The following LRGUK variants were observed in gnomAD, a reference collection of about 807,000 sequenced individuals.
The protein encoded by LRGUK is leucine-rich repeat and guanylate kinase domain-containing protein.
Under a neutral mutation model 76.0 loss-of-function variants are expected in LRGUK, and 65 were observed. The ratio of observed to expected loss-of-function variants is 0.85; its 90% CI spans 0.70 to 1.05. The LOEUF (loss-of-function observed/expected upper bound fraction) is 1.05, where lower values mean the gene tolerates loss of function less well. Ranked by LOEUF, LRGUK falls within the 50% of genes least tolerant of loss-of-function variation. The pLI is 0.00. For synonymous variants in LRGUK, 268 were observed against 265.6 expected (o/e 1.01, Z -0.09); for missense variants, 758 against 732.8 (o/e 1.03, Z -0.40).
chr7:134,145,371 C>T (rs931038372), intron 4 of LRGUK, among the ~76,000 whole-genome samples: 5 of 152,074 alleles, frequency 3.3e-5, no homozygotes, highest in Non-Finnish European at 7.4e-5. Context: ...CCTCAGCCTC[C>T]CGAGTAGCTG....
chr7:134,201,326 A>C (rs899240115), intron 14 of LRGUK, among the ~76,000 whole-genome samples, 155 bp from the exon 15 acceptor site: 2 of 152,182 alleles, frequency 1.3e-5, no homozygotes, highest in Admixed American at 6.5e-5. Flanking sequence ...GATTGATTAT[A>C]CAAAGGTGAT....
At chr7:134,238,281 A>T (rs749492319) in intron 16 of LRGUK, among the ~76,000 whole-genome samples, 57 of 151,672 alleles carry the variant, frequency 3.8e-4, no homozygotes, top group Non-Finnish European at 7.1e-4. Context: ...TGTGTGATAC[A>T]CTTGTACTTT....
downstream of LRGUK, among the ~76,000 whole-genome samples, chr7:134,267,002 G>C (rs1456307178): frequency 6.6e-6 from 1 of 152,148 alleles, no homozygotes; most frequent in Non-Finnish European, 1.5e-5. Context: ...GGAAAGAACT[G>C]TCAACTTACA....
intron 16 of LRGUK, among the ~76,000 whole-genome samples, chr7:134,246,501 A>G (rs939319971): frequency 6.6e-6 from 1 of 152,264 alleles, no homozygotes; most frequent in Admixed American, 6.5e-5. Flanking sequence ...ACTTGAAACT[A>G]TGCTAGCCCC....
intron 19 of LRGUK, among the ~76,000 whole-genome samples, chr7:134,262,627 C>T (rs1802758991): frequency 1.3e-5 from 2 of 152,086 alleles, no homozygotes; most frequent in South Asian, 2.1e-4. Context: ...GTTTGCTTTG[C>T]TCTTTCCTGT....
exon 8 of LRGUK, chr7:134,174,596 C>G (rs1182455351): frequency 6.2e-7 from 1 of 1,608,540 alleles, no homozygotes; most frequent in Non-Finnish European, 8.5e-7. Flanking sequence ...AAAAATTTAC[C>G]CATCCTTCGA....
intron 16 of LRGUK, among the ~76,000 whole-genome samples, chr7:134,240,397 A>G (rs2544169): frequency 0.072 from 11,004 of 152,292 alleles, 976 homozygotes; most frequent in African/African-American, 0.2. Context: ...CAAGAACTAC[A>G]TTATGCATGC....
chr7:134,235,430 C>A (rs755595315), intron 16 of LRGUK, among the ~76,000 whole-genome samples: 4 of 152,204 alleles, frequency 2.6e-5, no homozygotes, highest in Non-Finnish European at 5.9e-5. Context: ...TATTAACTCA[C>A]ATTTTACCAC....
intron 1 of LRGUK, among the ~76,000 whole-genome samples, chr7:134,134,811 G>A (rs1480157621): frequency 3.9e-5 from 6 of 152,236 alleles, no homozygotes. Context: ...GCATAGGTGA[G>A]TGAAACATTA....
chr7:134,143,127 A>G lies in LRGUK; in HGVS notation c.553A>G (p.Thr185Ala), dbSNP rs368108040. ...TAATGCTTCTCAAAATAATTTGACT[A>G]CGTTCTTCAATTTCAAGCCACCCAA... The change falls in exon 4 of 16, where the codon ACG becomes GCG. Residue 185 changes from threonine (T) to alanine (A), a missense_variant. Transcript: ENST00000645682. 9 of 1,609,904 alleles carry G rather than the reference A, an allele frequency of 5.6e-6. No homozygotes were observed. Among genetic ancestry groups the G allele is most frequent in the South Asian group, 1.1e-5 (1 of 90,962 alleles).
chr7:134,177,181 T>C lies in LRGUK; in HGVS notation c.1107+118T>C, dbSNP rs1480751911. The C allele has an allele frequency of 8.3e-6, 5 of 603,248 alleles. No homozygotes were observed. The Admixed American group carries it at 1.5e-4, about 18-fold the overall frequency. The allele number at this position is 603,248 out of a possible 1,614,324, so 37.4% of individuals were successfully genotyped here. ...AATAAGACACATAACAATATGTACATTAATTCATTTAGGGAATGTTTCCTT... is the reference window on the plus strand; with the variant it reads ...AATAAGACACATAACAATATGTACACTAATTCATTTAGGGAATGTTTCCTT... On this transcript the variant is annotated intron_variant, in intron 9 of 15. Coordinates refer to ENST00000645682, the Ensembl canonical transcript of LRGUK.
the LRGUK span, among the ~76,000 whole-genome samples, chr7:134,273,694 T>C: frequency 6.6e-6 from 1 of 152,188 alleles, no homozygotes; most frequent in African/African-American, 2.4e-5. Flanking sequence ...ATTATACTTT[T>C]TTAGAATTAC....
chr7:134,162,792 A>G (rs1312791538), intron 6 of LRGUK, among the ~76,000 whole-genome samples: 2 of 132,534 alleles, frequency 1.5e-5, no homozygotes, highest in Non-Finnish European at 3.0e-5. Context: ...GTGCCACTGC[A>G]CTCCAGCCTG....
At position 134,128,792 on chromosome 7, in the gene LRGUK, C is replaced by T. The variant is rs554286465; in HGVS notation, c.297+1128C>T. ...TCTTCGATCTCCTGACCTCGCCATC[C>T]GCCCACCTCTGCCTCCCAGAGTGCT... On this transcript the variant is annotated intron_variant, in intron 1 of 15. Transcript: ENST00000645682. Among the ~76,000 whole-genome samples, 11 of 152,306 alleles carry T rather than the reference C, an allele frequency of 7.2e-5. 1 individual carries two copies. The South Asian group carries it at 1.0e-3, about 14-fold the overall frequency.
At chr7:134,162,904 A>C (rs1798810975) in intron 6 of LRGUK, among the ~76,000 whole-genome samples, 1 of 150,358 alleles carries the variant, frequency 6.7e-6, no homozygotes, top group Non-Finnish European at 1.5e-5. Context: ...GGCTCATTGG[A>C]GAATGCTAAT....
At chr7:134,212,957 C>A (rs762880047), downstream of LRGUK, among the ~76,000 whole-genome samples, 1 of 152,174 alleles carries the variant, frequency 6.6e-6, no homozygotes, top group Non-Finnish European at 1.5e-5. Flanking sequence ...ACACTGAATT[C>A]GGCCTGGGAT....
intron 4 of LRGUK, among the ~76,000 whole-genome samples, chr7:134,144,138 C>T (rs1187311909): frequency 2.6e-5 from 4 of 152,116 alleles, no homozygotes; most frequent in African/African-American, 9.7e-5. Context: ...TGTCTCACCA[C>T]AACTTCAGCC....
At chr7:134,227,253 A>G (rs1801788448) in intron 16 of LRGUK, among the ~76,000 whole-genome samples, 1 of 152,148 alleles carries the variant, frequency 6.6e-6, no homozygotes, top group African/African-American at 2.4e-5. Context: ...ACATCGAAGT[A>G]TGAGGTCCAT....
chr7:134,201,841 A>G (rs1293980046), intron 15 of LRGUK, among the ~76,000 whole-genome samples: 1 of 152,142 alleles, frequency 6.6e-6, no homozygotes, highest in Non-Finnish European at 1.5e-5. Flanking sequence ...GAGGTAATAG[A>G]TAAGGGTTAA....
Sources: allele counts gnomAD v4.1 joint callset (sites outside exome capture counted in the v4.1 genomes callset), GRCh38; gene constraint gnomAD v4.1.1; transcripts MANE v1.5; gene names NCBI Gene and HGNC (gene_info 2026-07-23, HGNC 2026-07-21).